Variants in GLOD4 observed in about 807,000 individuals in gnomAD.
GLOD4 encodes glyoxalase domain containing 4.
A neutral mutation model predicts 39.1 loss-of-function variants in GLOD4; 44 were observed. The ratio of observed to expected loss-of-function variants is 1.13; its 90% confidence interval spans 0.88 to 1.45. GLOD4 has a LOEUF of 1.45. Ranked by LOEUF, GLOD4 falls within the 40% of genes most tolerant of loss-of-function variation. The pLI is 0.00. For synonymous variants in GLOD4, 145 were observed against 135.0 expected (o/e 1.07, Z -0.52); for missense variants, 405 against 366.4 (o/e 1.11, Z -0.86).
At chr17:767,988 A>G (rs1906995905) in intron 8 of GLOD4, among the ~76,000 whole-genome samples, 1 of 140,314 alleles carries the variant, frequency 7.1e-6, no homozygotes. Context: ...AGAAATCTGG[A>G]GAGGACGTGA....
At chr17:779,052 C>T (rs969343493) in intron 1 of GLOD4, among the ~76,000 whole-genome samples, 4 of 152,078 alleles carry the variant, frequency 2.6e-5, no homozygotes, top group South Asian at 2.1e-4. Flanking sequence ...CAGTGACTCA[C>T]GCCTATAATA....
At chr17:782,628 C>T, upstream of GLOD4, 1 of 1,613,854 alleles carries the variant, frequency 6.2e-7, no homozygotes, top group Non-Finnish European at 8.5e-7. Context: ...ATCCCGCGCT[C>T]CCAGCACCTG....
intron 8 of GLOD4, chr17:764,722 G>C (rs1906139684): frequency 6.6e-6 from 1 of 152,170 alleles, no homozygotes; most frequent in Non-Finnish European, 1.5e-5. Context: ...AAACCATGTT[G>C]AGTAGGCCGG....
At chr17:772,967 C>A (rs1333616325) in intron 4 of GLOD4, among the ~76,000 whole-genome samples, 2 of 151,718 alleles carry the variant, frequency 1.3e-5, no homozygotes, top group Non-Finnish European at 2.9e-5. Context: ...TGCACTCTAG[C>A]CTGGGCGACA....
At position 772,013 on chromosome 17, in the gene GLOD4, C is replaced by CAA. The variant is rs67745456; in HGVS notation, c.407-554_407-553dup. On this transcript the variant is annotated intron_variant, in intron 4 of 8. Coordinates refer to ENST00000301329, the MANE Select transcript of GLOD4 (RefSeq NM_016080.4). ...GGGAGACAAGAGCAAAACTCTGTCT[C>CAA]AAAAAAAAAAAAAAAAAAAAAAAAG... 1.7e-3 allele frequency among the ~76,000 whole-genome samples: 87 copies of CAA among 50,950 alleles called. 1 individual carries two copies. Among genetic ancestry groups the CAA allele is most frequent in the Middle Eastern group, 0.015 (1 of 66 alleles). The allele number at this position is 50,950 out of a possible 152,430, so 33.4% of individuals were successfully genotyped here. A position where few individuals can be genotyped will look rare whatever the true frequency, so the allele number is the denominator to read the frequency against.
chr17:784,288 G>C (rs1017863551), upstream of GLOD4, among the ~76,000 whole-genome samples: 1 of 152,190 alleles, frequency 6.6e-6, no homozygotes, highest in Non-Finnish European at 1.5e-5. Context: ...GAGTCACAGG[G>C]ATCTGTGCCT....
chr17:776,653 C>T (rs193086234), intron 3 of GLOD4, among the ~76,000 whole-genome samples: 85 of 152,328 alleles, frequency 5.6e-4, no homozygotes, highest in African/African-American at 1.9e-3. Flanking sequence ...TACACCTCCT[C>T]GAACACGCCA....
At chr17:770,228 G>A (rs1349907950) in intron 6 of GLOD4, 71 bp from the exon 7 acceptor site, 2 of 845,524 alleles carry the variant, frequency 2.4e-6, no homozygotes, top group Non-Finnish European at 4.0e-6. Flanking sequence ...GTCAGTCCTA[G>A]AGGAGTATCA....
chr17:768,017 A>T (rs1597578896), intron 8 of GLOD4, among the ~76,000 whole-genome samples: 1 of 145,398 alleles, frequency 6.9e-6, no homozygotes, highest in African/African-American at 2.6e-5. Context: ...AACAGCGCGC[A>T]CTCAGATTTT....
chr17:785,133 T>C (rs775308476), upstream of GLOD4, among the ~76,000 whole-genome samples: 3 of 152,118 alleles, frequency 2.0e-5, no homozygotes, highest in South Asian at 2.1e-4. Flanking sequence ...TTGATAATTA[T>C]ACATAAAGAG....
upstream of GLOD4, chr17:783,425 C>G (rs931489622): frequency 1.6e-6 from 2 of 1,246,918 alleles, no homozygotes; most frequent in African/African-American, 3.0e-5. Flanking sequence ...CAACCTCCGC[C>G]TCTCGGGTTC....
chr17:782,163 C>G lies in GLOD4; in HGVS notation c.90+3G>C. ...GCCAGCCCCTGTCGGCCCCGGCCTG[C>G]ACCTTCATCCCCAGGACGTCCCGAT... On this transcript the variant is annotated splice_donor_region_variant and intron_variant, in intron 1 of 8. Coordinates refer to ENST00000301329, the MANE Select transcript of GLOD4 (RefSeq NM_016080.4). The G allele has an allele frequency of 6.3e-7, 1 of 1,595,654 alleles. No individual in the cohort carries two copies. The highest frequency in any genetic ancestry group is 8.6e-7 in the Non-Finnish European group (1 of 1,167,576).
rs77862410 is a variant in GLOD4 at position 760,188 on chromosome 17, G to A, written c.882C>T (p.Pro294=). ...ATGTCTTCCGTTAACCTGAAGCTTT[G>A]GGTTTATTGTGTTTGGCAAACCACT... The part of the protein sequence containing the change: ...SDEWFAKHNK[P]KASG Residue 294 remains proline, a synonymous_variant, in exon 9 of 9, where the codon CCC becomes CCT. Transcript: ENST00000301329. 1,311 of 1,596,316 alleles carry A rather than the reference G, an allele frequency of 8.2e-4. 26 individuals are homozygous for A. The East Asian group carries it at 0.027, about 33-fold the overall frequency.
At chr17:783,211 G>A (rs1402540837), upstream of GLOD4, 4 of 1,614,150 alleles carry the variant, frequency 2.5e-6, no homozygotes, top group Admixed American at 1.7e-5. Flanking sequence ...TTCTTTAGCC[G>A]TCTAGAATAC....
intron 1 of GLOD4, 52 bp from the exon 2 acceptor site, chr17:778,796 C>A (rs775839645): frequency 1.1e-5 from 11 of 1,018,494 alleles, no homozygotes; most frequent in Non-Finnish European, 1.5e-5. Context: ...CTGCTCACAG[C>A]GTCTTTAGCA....
chr17:775,425 G>C (rs1908736870), intron 4 of GLOD4, among the ~76,000 whole-genome samples: 1 of 152,166 alleles, frequency 6.6e-6, no homozygotes, highest in Non-Finnish European at 1.5e-5. Flanking sequence ...GAAAATGTGG[G>C]GAGCTGGTGA....
Position 770,597 on chromosome 17 carries a change from G to A in GLOD4, c.544-90C>T. On this transcript the variant is annotated intron_variant, in intron 5 of 8. Transcript: ENST00000301329. ...AAAATTCAAATATTATATACTAAAG[G>A]AATAAAGTAAAAACTGAGTCTCTAT... 3 of 742,564 alleles carry A rather than the reference G, an allele frequency of 4.0e-6. No individual in the cohort carries two copies. In the South Asian group the frequency reaches 4.4e-5, roughly 11 times the overall value. The allele number at this position is 742,564 out of a possible 1,614,324, so 46.0% of individuals were successfully genotyped here.
chr17:783,952 CCT>C (rs1448305125), upstream of GLOD4, among the ~76,000 whole-genome samples: 2 of 152,086 alleles, frequency 1.3e-5, no homozygotes, highest in Non-Finnish European at 2.9e-5. Context: ...TTTTGCAAAA[CCT>C]CTGCCAATGT....
At chr17:774,394 C>A (rs1908532748) in intron 4 of GLOD4, among the ~76,000 whole-genome samples, 1 of 152,258 alleles carries the variant, frequency 6.6e-6, no homozygotes, top group Non-Finnish European at 1.5e-5. Context: ...GGAGTCGGCA[C>A]AAGTGCCCTT....
Sources: allele counts gnomAD v4.1 joint callset (sites outside exome capture counted in the v4.1 genomes callset), GRCh38; gene constraint gnomAD v4.1.1; transcripts MANE v1.5; gene names NCBI Gene and HGNC (gene_info 2026-07-23, HGNC 2026-07-21).